Variants in TBL1XR1 observed in about 807,000 individuals in gnomAD.
The protein encoded by TBL1XR1 is F-box-like/WD repeat-containing protein TBL1XR1.
A neutral mutation model predicts 66.9 loss-of-function variants in TBL1XR1; 5 were observed. That is an observed-to-expected ratio of 0.07 (90% CI 0.04 to 0.16). The LOEUF is 0.16. TBL1XR1 is among the 10% of genes least tolerant of loss of function. The pLI is 1.00. For synonymous variants in TBL1XR1, 210 were observed against 206.0 expected (o/e 1.02, Z -0.17); for missense variants, 238 against 623.2 (o/e 0.38, Z 6.58).
chr3:177,060,231 A>G (rs1034548673), intron 3 of TBL1XR1, among the ~76,000 whole-genome samples: 3 of 152,280 alleles, frequency 2.0e-5, no homozygotes, highest in Admixed American at 6.5e-5. Context: ...TACGTCCCTC[A>G]AGAGAACCCT....
At chr3:177,089,434 T>A (rs904106996) in intron 2 of TBL1XR1, among the ~76,000 whole-genome samples, 1 of 152,068 alleles carries the variant, frequency 6.6e-6, no homozygotes, top group Non-Finnish European at 1.5e-5. Flanking sequence ...CCTTGCCCCT[T>A]AGGTGGAAAA....
intron 2 of TBL1XR1, among the ~76,000 whole-genome samples, chr3:177,077,865 G>A (rs1421792906): frequency 6.6e-6 from 1 of 152,212 alleles, no homozygotes; most frequent in Non-Finnish European, 1.5e-5. Context: ...CTGGACAACA[G>A]TAAAAAGATT....
intron 14 of TBL1XR1, among the ~76,000 whole-genome samples, chr3:177,029,333 T>C (rs1382800181): frequency 6.6e-6 from 1 of 152,152 alleles, no homozygotes; most frequent in Non-Finnish European, 1.5e-5. Context: ...AACTTTCATA[T>C]GATCTGGGCG....
chr3:177,082,432 A>G (rs1015874547), intron 2 of TBL1XR1, among the ~76,000 whole-genome samples: 15 of 151,910 alleles, frequency 9.9e-5, no homozygotes, highest in Non-Finnish European at 5.9e-5. Context: ...ATTACAAATT[A>G]TATTTTGATA....
intron 1 of TBL1XR1, among the ~76,000 whole-genome samples, chr3:177,124,158 G>C (rs1727326702): frequency 6.7e-6 from 1 of 149,590 alleles, no homozygotes; most frequent in Non-Finnish European, 1.5e-5. Flanking sequence ...TCAAAAACTG[G>C]AGTATTTCTA....
intron 2 of TBL1XR1, among the ~76,000 whole-genome samples, chr3:177,083,468 G>A (rs1049490168): frequency 1.2e-4 from 18 of 152,066 alleles, no homozygotes; most frequent in Non-Finnish European, 7.3e-5. Context: ...AAATGTTACC[G>A]ATAAGCTCTT....
chr3:177,118,988 T>C (rs974743569), intron 1 of TBL1XR1, among the ~76,000 whole-genome samples: 4 of 152,296 alleles, frequency 2.6e-5, no homozygotes, highest in African/African-American at 7.2e-5. Flanking sequence ...TTTTTGTTTT[T>C]GAGACGGAGT....
intron 1 of TBL1XR1, among the ~76,000 whole-genome samples, chr3:177,100,559 G>A (rs1724075469): frequency 6.6e-6 from 1 of 152,074 alleles, no homozygotes; most frequent in East Asian, 1.9e-4. Flanking sequence ...TGAGTAGCTG[G>A]CACTACAGGT....
At chr3:177,040,532 C>G (rs1287934236) in intron 10 of TBL1XR1, among the ~76,000 whole-genome samples, 1 of 151,732 alleles carries the variant, frequency 6.6e-6, no homozygotes, top group Non-Finnish European at 1.5e-5. Flanking sequence ...ATATGTCATG[C>G]GTAAGAACTT....
chr3:177,133,990 C>G (rs1460808105), intron 1 of TBL1XR1, among the ~76,000 whole-genome samples: 1 of 151,628 alleles, frequency 6.6e-6, no homozygotes, highest in Admixed American at 6.6e-5. Flanking sequence ...TCTGCACAGT[C>G]TTGGGGTTTT....
At position 177,021,794 on chromosome 3, in the gene TBL1XR1, T is replaced by C. The variant is rs1712410100; in HGVS notation, c.*3704A>G. 6.6e-6 allele frequency: 1 copy of C among 152,600 alleles called. No homozygotes were observed. Among genetic ancestry groups the C allele is most frequent in the Non-Finnish European group, 1.5e-5 (1 of 67,996 alleles). 9.5% of individuals were successfully genotyped at this position (152,600 alleles called of 1,614,324 possible). On this transcript the variant is annotated 3_prime_UTR_variant, in exon 16 of 16. Coordinates refer to ENST00000457928, the MANE Select transcript of TBL1XR1 (RefSeq NM_024665.7). The stretch of plus-strand genomic sequence containing the variant: ...TGAAATAGGATTTCTGCGGAAACTG[T>C]CAACAGTAGTAATTCACCATATGCA...
intron 1 of TBL1XR1, among the ~76,000 whole-genome samples, chr3:177,150,071 G>GT (rs569110066): frequency 5.9e-4 from 90 of 152,158 alleles, no homozygotes; most frequent in African/African-American, 2.0e-3. Context: ...ACAAAGTCCC[G>GT]TTTTTTCTCT....
chr3:177,131,466 C>CA (rs1169631302), intron 1 of TBL1XR1: 956 of 680,360 alleles, frequency 1.4e-3, no homozygotes, highest in Middle Eastern at 2.3e-3. Context: ...GTTGAGAAAA[C>CA]AAAAAAAAAC....
chr3:177,129,890 A>AT (rs1728077570), intron 1 of TBL1XR1, among the ~76,000 whole-genome samples: 1 of 152,204 alleles, frequency 6.6e-6, no homozygotes, highest in Admixed American at 6.5e-5. Flanking sequence ...CACGCCTGTA[A>AT]TCCCAGCACT....
intron 1 of TBL1XR1, among the ~76,000 whole-genome samples, chr3:177,144,997 G>A (rs1730080892): frequency 6.6e-6 from 1 of 152,174 alleles, no homozygotes; most frequent in Non-Finnish European, 1.5e-5. Flanking sequence ...ACTGCAGTTT[G>A]CCAACCCCTG....
Position 177,042,654 on chromosome 3 carries a change from T to TA in TBL1XR1, c.925+3474dup, listed in dbSNP as rs150105359. Among the ~76,000 whole-genome samples, 796 of 151,900 alleles carry TA rather than the reference T, an allele frequency of 5.2e-3. 12 individuals are homozygous for TA. The highest frequency in any genetic ancestry group is 0.018 in the African/African-American group (767 of 41,468). ...GTTCTTTAGAAAGAAATATCTAACA[T>TA]AAAAAAAAATTTTATGTACCTGACA... is the stretch of plus-strand genomic sequence containing the variant. On this transcript the variant is annotated intron_variant, in intron 10 of 15. Coordinates refer to ENST00000457928, the MANE Select transcript of TBL1XR1 (RefSeq NM_024665.7).
intron 1 of TBL1XR1, among the ~76,000 whole-genome samples, chr3:177,196,677 G>C (rs551745638): frequency 3.1e-4 from 47 of 151,962 alleles, no homozygotes; most frequent in African/African-American, 1.0e-3. Flanking sequence ...GGCTATAAAG[G>C]AGTCGGCCTC....
chr3:177,136,026 T>A (rs1157836648), intron 1 of TBL1XR1, among the ~76,000 whole-genome samples: 1 of 152,042 alleles, frequency 6.6e-6, no homozygotes, highest in East Asian at 1.9e-4. Context: ...TTTACTCCAA[T>A]AGATCAGTAT....
intron 1 of TBL1XR1, among the ~76,000 whole-genome samples, chr3:177,153,452 A>G (rs941233305): frequency 5.3e-5 from 8 of 152,238 alleles, no homozygotes; most frequent in African/African-American, 1.9e-4. Context: ...TGTTTAAAGT[A>G]AAAATAATAT....
Sources: gnomAD v4.1 joint callset for allele counts (sites outside exome capture counted in the v4.1 genomes callset) on GRCh38, gnomAD v4.1.1 for gene constraint, MANE v1.5 for transcripts, NCBI Gene and HGNC (gene_info 2026-07-23, HGNC 2026-07-21) for gene names.